Variants in MAP4 observed in about 807,000 individuals in gnomAD.
The protein encoded by MAP4 is microtubule-associated protein 4.
A neutral mutation model predicts 170.2 loss-of-function variants in MAP4; 76 were observed. The observed-to-expected ratio is 0.45, with a 90% CI of 0.37 to 0.54. The LOEUF (loss-of-function observed/expected upper bound fraction) is 0.54, where lower values mean the gene tolerates loss of function less well. Ranked by LOEUF, MAP4 falls within the 20% of genes least tolerant of loss-of-function variation. The pLI is 0.00. For missense variants in MAP4, 2,506 were observed against 2,748.0 expected (o/e 0.91, Z 1.97); for synonymous variants, 909 against 994.5 (o/e 0.91, Z 1.62).
intron 1 of MAP4, among the ~76,000 whole-genome samples, chr3:48,078,364 C>T (rs2100144961): frequency 6.8e-6 from 1 of 147,396 alleles, no homozygotes; most frequent in South Asian, 2.2e-4. Context: ...GCTATGTTGC[C>T]CATGCTGGTC....
At chr3:47,951,006 TAA>T (rs2100063361) in intron 3 of MAP4, among the ~76,000 whole-genome samples, 1 of 152,226 alleles carries the variant, frequency 6.6e-6, no homozygotes, top group African/African-American at 2.4e-5. Context: ...AACAAATATA[TAA>T]GACTAGTTTT....
chr3:48,005,194 T>G (rs2100101561), intron 1 of MAP4, among the ~76,000 whole-genome samples: 1 of 152,086 alleles, frequency 6.6e-6, no homozygotes, highest in Admixed American at 6.5e-5. Flanking sequence ...ACCCTGTCTC[T>G]ACTAAAAATA....
intron 3 of MAP4, among the ~76,000 whole-genome samples, chr3:47,971,169 T>C (rs949926840): frequency 3.9e-5 from 6 of 152,168 alleles, no homozygotes; most frequent in Non-Finnish European, 8.8e-5. Flanking sequence ...AACTGGAAAA[T>C]GAAAGAAAAG....
At chr3:48,042,703 T>G (rs1337365731) in intron 1 of MAP4, among the ~76,000 whole-genome samples, 1 of 152,030 alleles carries the variant, frequency 6.6e-6, no homozygotes, top group Non-Finnish European at 1.5e-5. Flanking sequence ...GTCTGGGAGC[T>G]CCTCAAAAGA....
At chr3:48,087,745 G>GCGCACACACACGCACGCA (rs1491486983) in intron 1 of MAP4, among the ~76,000 whole-genome samples, 2 of 105,614 alleles carry the variant, frequency 1.9e-5, no homozygotes, top group Non-Finnish European at 4.1e-5. Flanking sequence ...ACACGCACGC[G>GCGCACACACACGCACGCA]CACACACACA....
intron 3 of MAP4, among the ~76,000 whole-genome samples, chr3:47,932,602 C>T (rs981077428): frequency 3.3e-5 from 5 of 152,000 alleles, no homozygotes; most frequent in Admixed American, 2.6e-4. Flanking sequence ...CTTTTTTTAT[C>T]GTAGTCACCC....
intron 3 of MAP4, among the ~76,000 whole-genome samples, chr3:47,968,478 C>T (rs1369895732): frequency 6.6e-6 from 1 of 152,126 alleles, no homozygotes; most frequent in Non-Finnish European, 1.5e-5. Flanking sequence ...AATTAACACA[C>T]TCCTAAATAA....
intron 2 of MAP4, among the ~76,000 whole-genome samples, chr3:47,980,418 T>C (rs2100084817): frequency 6.6e-6 from 1 of 152,156 alleles, no homozygotes; most frequent in Non-Finnish European, 1.5e-5. Context: ...GCTACTAAAA[T>C]AAAAAATGCA....
chr3:47,970,805 G>A (rs979944544), intron 3 of MAP4, among the ~76,000 whole-genome samples: 4 of 152,012 alleles, frequency 2.6e-5, no homozygotes, highest in Non-Finnish European at 5.9e-5. Flanking sequence ...CAACAAGGGC[G>A]AAACTTCGTC....
At chr3:47,975,601 G>T in intron 3 of MAP4, 1 of 718,564 alleles carries the variant, frequency 1.4e-6, no homozygotes, top group Non-Finnish European at 2.5e-6. Context: ...AAGCTGGTTT[G>T]CTCTCGGGAC....
In MAP4 at chr3:47,852,894, G is replaced by A. The variant is rs1289946693; in HGVS notation, c.*40C>T. Reference sequence around the variant, plus strand: ...AGACAATGTCGGCCCCGTGGTCGGTGCGGGCCCTGGCATTTGCCCGGAACG... The same window carrying A: ...AGACAATGTCGGCCCCGTGGTCGGTACGGGCCCTGGCATTTGCCCGGAACG... On this transcript the variant is annotated 3_prime_UTR_variant, in exon 21 of 21. Transcript: ENST00000683076. 1.2e-6 allele frequency: 2 copies of A among 1,602,582 alleles called. No homozygotes were observed. The highest frequency in any genetic ancestry group is 1.7e-6 in the Non-Finnish European group (2 of 1,174,152).
intron 1 of MAP4, among the ~76,000 whole-genome samples, chr3:48,076,911 G>GAGGCGGAGGCGGGCAGATCACC (rs2100144215): frequency 6.6e-6 from 1 of 152,004 alleles, no homozygotes; most frequent in African/African-American, 2.4e-5. Context: ...AGCACTTTGG[G>GAGGCGGAGGCGGGCAGATCACC]TGGCCAAGCA....
intron 3 of MAP4, among the ~76,000 whole-genome samples, chr3:47,962,608 G>A (rs1353481925): frequency 6.6e-6 from 1 of 152,118 alleles, no homozygotes; most frequent in Non-Finnish European, 1.5e-5. Context: ...TGTAGCTTCT[G>A]TCTCCTGAAT....
intron 10 of MAP4, among the ~76,000 whole-genome samples, chr3:47,879,820 G>A (rs1390252605): frequency 1.3e-5 from 2 of 151,888 alleles, no homozygotes; most frequent in Non-Finnish European, 2.9e-5. Context: ...CTAAATATAT[G>A]GCAACTACTA....
chr3:47,989,189 C>A (rs1199827580), intron 2 of MAP4, among the ~76,000 whole-genome samples: 2 of 152,220 alleles, frequency 1.3e-5, no homozygotes, highest in Non-Finnish European at 2.9e-5. Context: ...GGCGGAAGGG[C>A]TGCTTGAGGC....
intron 3 of MAP4, among the ~76,000 whole-genome samples, chr3:47,943,527 T>C (rs2100057802): frequency 6.6e-6 from 1 of 151,992 alleles, no homozygotes; most frequent in African/African-American, 2.4e-5. Flanking sequence ...AAGAATTGCT[T>C]GAACTCGGGA....
rs148748170 is a variant in MAP4, at chr3:48,053,753, G to A, written c.-20+35020C>T. Among the ~76,000 whole-genome samples the A allele has an allele frequency of 4.1e-3, 628 of 152,200 alleles. 5 individuals are homozygous for A. Among genetic ancestry groups the A allele is most frequent in the African/African-American group, 0.014 (593 of 41,512 alleles). On this transcript the variant is annotated intron_variant, in intron 1 of 18. Transcript: ENST00000360240. ...CACATATTGATGATCTCCAGAATGT[G>A]CACATTACAACCTGATTGATACCAA...
At chr3:47,963,405 T>C (rs1362613942) in intron 3 of MAP4, among the ~76,000 whole-genome samples, 1 of 152,174 alleles carries the variant, frequency 6.6e-6, no homozygotes. Context: ...TTTATAGAGC[T>C]CTCCTTTTAC....
intron 12 of MAP4, among the ~76,000 whole-genome samples, chr3:47,874,445 G>C (rs965711047): frequency 6.6e-6 from 1 of 151,986 alleles, no homozygotes; most frequent in African/African-American, 2.4e-5. Context: ...CTCCAGCCTG[G>C]GTGACAGAGC....
Sources: allele counts gnomAD v4.1 joint callset (sites outside exome capture counted in the v4.1 genomes callset), GRCh38; gene constraint gnomAD v4.1.1; transcripts MANE v1.5; gene names NCBI Gene and HGNC (gene_info 2026-07-23, HGNC 2026-07-21).